The following DENND1B variants were observed in gnomAD, a reference collection of about 807,000 sequenced individuals.
The protein encoded by DENND1B is DENN domain-containing protein 1B.
In DENND1B, 59 loss-of-function variants were observed where a neutral mutation model predicts 90.1. The ratio of observed to expected loss-of-function variants is 0.65; its 90% confidence interval spans 0.53 to 0.81. The LOEUF is 0.81. Ranked by LOEUF, DENND1B falls within the 40% of genes least tolerant of loss-of-function variation. The pLI, the probability that DENND1B is intolerant of heterozygous loss-of-function variation, is 0.00. For missense variants in DENND1B, 862 were observed against 912.6 expected (o/e 0.94, Z 0.71); for synonymous variants, 337 against 324.6 (o/e 1.04, Z -0.41).
intron 2 of DENND1B, among the ~76,000 whole-genome samples, chr1:197,718,296 A>C (rs896153572): frequency 6.6e-6 from 1 of 151,948 alleles, no homozygotes; most frequent in African/African-American, 2.4e-5. Flanking sequence ...AGAAACGTCA[A>C]AGGGCAATTT....
At chr1:197,632,309 C>T (rs1679396078) in intron 10 of DENND1B, among the ~76,000 whole-genome samples, 1 of 152,050 alleles carries the variant, frequency 6.6e-6, no homozygotes, top group Non-Finnish European at 1.5e-5. Context: ...TGTTTATATC[C>T]CCAGATAGAT....
chr1:197,719,437 AAG>A (rs1287821412), intron 2 of DENND1B, among the ~76,000 whole-genome samples: 8 of 152,172 alleles, frequency 5.3e-5, no homozygotes, highest in Non-Finnish European at 1.2e-4. Flanking sequence ...TTATAGGAAA[AAG>A]AGAAGAGGAA....
At chr1:197,673,426 T>C (rs1008806139) in intron 4 of DENND1B, among the ~76,000 whole-genome samples, 3 of 152,062 alleles carry the variant, frequency 2.0e-5, no homozygotes, top group Non-Finnish European at 2.9e-5. Flanking sequence ...TTTAGCGAAG[T>C]ATTTTCCTAA....
At chr1:197,523,826 G>T (rs1668946934) in intron 20 of DENND1B, among the ~76,000 whole-genome samples, 1 of 152,122 alleles carries the variant, frequency 6.6e-6, no homozygotes, top group African/African-American at 2.4e-5. Flanking sequence ...TGTAAATGCT[G>T]TTTAACTCTT....
chr1:197,775,439 C>G lies in DENND1B; in HGVS notation c.-284G>C, dbSNP rs1015904176. On this transcript the variant is annotated 5_prime_UTR_variant, in exon 1 of 23. Coordinates refer to ENST00000620048, the MANE Select transcript of DENND1B (RefSeq NM_001195215.2). ...CACCAAAGCTGAGGCCTCTCAGTTCCTGCGACCGGGGCCGCCCGCTGCGGC... is the reference window on the plus strand; with the variant it reads ...CACCAAAGCTGAGGCCTCTCAGTTCGTGCGACCGGGGCCGCCCGCTGCGGC... 3.4e-6 allele frequency: 1 copy of G among 293,908 alleles called. No individual in the cohort carries two copies. Among genetic ancestry groups the G allele is most frequent in the Non-Finnish European group, 6.3e-6 (1 of 159,126 alleles). The allele number at this position is 293,908 out of a possible 1,614,324, so 18.2% of individuals were successfully genotyped here.
chr1:197,699,492 C>T (rs1451892496), intron 3 of DENND1B, among the ~76,000 whole-genome samples: 1 of 152,084 alleles, frequency 6.6e-6, no homozygotes, highest in Admixed American at 6.5e-5. Flanking sequence ...CCTTTGAAAA[C>T]TGGTACAAGA....
At chr1:197,636,619 T>G (rs938020672) in intron 10 of DENND1B, among the ~76,000 whole-genome samples, 1 of 152,196 alleles carries the variant, frequency 6.6e-6, no homozygotes, top group Non-Finnish European at 1.5e-5. Flanking sequence ...ATGAGTTAGT[T>G]TAAATAAATT....
chr1:197,522,123 A>G (rs567537890), intron 20 of DENND1B, among the ~76,000 whole-genome samples: 1 of 152,208 alleles, frequency 6.6e-6, no homozygotes, highest in South Asian at 2.1e-4. Flanking sequence ...GGCAAGTGGT[A>G]GTTTCAGAAT....
At chr1:197,743,647 G>A (rs1663427784) in intron 2 of DENND1B, among the ~76,000 whole-genome samples, 1 of 152,140 alleles carries the variant, frequency 6.6e-6, no homozygotes, top group African/African-American at 2.4e-5. Context: ...ATAAGATGTG[G>A]TTTGATAGCA....
In DENND1B at chr1:197,508,985, T is replaced by C. The variant is rs1571673147; in HGVS notation, c.*1475A>G. 6.6e-6 allele frequency: 1 copy of C among 151,716 alleles called. No individual in the cohort carries two copies. Among genetic ancestry groups the C allele is most frequent in the Non-Finnish European group, 1.5e-5 (1 of 67,806 alleles). 9.4% of individuals were successfully genotyped at this position (151,716 alleles called of 1,614,324 possible). On this transcript the variant is annotated 3_prime_UTR_variant, in exon 23 of 23. Coordinates refer to ENST00000620048, the MANE Select transcript of DENND1B (RefSeq NM_001195215.2). ...AAGGGGAATTATGACTCCTCACTCCTGCATGTAGTGACTTCCTTCCAAAAA... is the reference window on the plus strand; with the variant it reads ...AAGGGGAATTATGACTCCTCACTCCCGCATGTAGTGACTTCCTTCCAAAAA...
chr1:197,530,250 GTTT>G (rs1669523378), intron 20 of DENND1B, among the ~76,000 whole-genome samples: 1 of 151,976 alleles, frequency 6.6e-6, no homozygotes, highest in African/African-American at 2.4e-5. Flanking sequence ...ACTTCATAAT[GTTT>G]TACTTTAAAA....
At chr1:197,746,806 T>C in intron 2 of DENND1B, 1 of 1,604,856 alleles carries the variant, frequency 6.2e-7, no homozygotes, top group Non-Finnish European at 8.5e-7. Flanking sequence ...CAAACCCCCA[T>C]GCAAGTTTCT....
intron 14 of DENND1B, among the ~76,000 whole-genome samples, chr1:197,587,188 C>T (rs891800975): frequency 6.6e-6 from 1 of 152,124 alleles, no homozygotes; most frequent in African/African-American, 2.4e-5. Flanking sequence ...TTACAGAAAA[C>T]GACTTATGCA....
At chr1:197,566,956 C>T (rs1672725734) in intron 15 of DENND1B, among the ~76,000 whole-genome samples, 1 of 151,914 alleles carries the variant, frequency 6.6e-6, no homozygotes, top group Non-Finnish European at 1.5e-5. Flanking sequence ...CCTAGAGGGA[C>T]AGTAAATCAT....
At chr1:197,674,730 C>T (rs115365899) in intron 3 of DENND1B, among the ~76,000 whole-genome samples, 2 of 150,614 alleles carry the variant, frequency 1.3e-5, no homozygotes, top group Admixed American at 1.3e-4. Flanking sequence ...TGATTCAATT[C>T]TTGGTATTAA....
chr1:197,670,892 A>G (rs1655438207), intron 5 of DENND1B, among the ~76,000 whole-genome samples: 1 of 152,134 alleles, frequency 6.6e-6, no homozygotes, highest in Non-Finnish European at 1.5e-5. Flanking sequence ...GATAAAGTGT[A>G]AGTTTTAAGC....
intron 21 of DENND1B, among the ~76,000 whole-genome samples, chr1:197,512,637 T>C (rs1414032285): frequency 6.6e-6 from 1 of 151,706 alleles, no homozygotes; most frequent in Non-Finnish European, 1.5e-5. Context: ...ATCCCAGATA[T>C]CTCTGTAGAC....
intron 3 of DENND1B, among the ~76,000 whole-genome samples, chr1:197,700,433 A>G (rs1658906576): frequency 6.6e-6 from 1 of 152,130 alleles, no homozygotes; most frequent in African/African-American, 2.4e-5. Flanking sequence ...AAACTGGACC[A>G]CTGCCTTACA....
intron 3 of DENND1B, among the ~76,000 whole-genome samples, chr1:197,694,069 T>C (rs1407318911): frequency 6.6e-6 from 1 of 151,394 alleles, no homozygotes; most frequent in Admixed American, 6.6e-5. Context: ...ATAAGTAACC[T>C]GACAATACTT....
Sources: allele counts gnomAD v4.1 joint callset (sites outside exome capture counted in the v4.1 genomes callset), GRCh38; gene constraint gnomAD v4.1.1; transcripts MANE v1.5; gene names NCBI Gene and HGNC (gene_info 2026-07-23, HGNC 2026-07-21).